The following NECTIN2 variants were observed in gnomAD, a reference collection of about 807,000 sequenced individuals.
NECTIN2 encodes nectin cell adhesion molecule 2.
In NECTIN2, 23 loss-of-function variants were observed where a neutral mutation model predicts 56.9. The ratio of observed to expected loss-of-function variants is 0.40; its 90% confidence interval spans 0.29 to 0.57. The LOEUF (loss-of-function observed/expected upper bound fraction) is 0.57, where lower values mean the gene tolerates loss of function less well. Among genes scored for constraint, NECTIN2 ranks in the 20% least tolerant of loss-of-function variants. NECTIN2 has a pLI of 0.38. For missense variants in NECTIN2, 587 were observed against 718.3 expected (o/e 0.82, Z 2.09); for synonymous variants, 302 against 313.8 (o/e 0.96, Z 0.40).
chr19:44,888,101 T>C lies in NECTIN2; in HGVS notation c.1348-9T>C. The C allele has an allele frequency of 1.2e-6, 2 of 1,609,450 alleles. No homozygotes were observed. Among genetic ancestry groups the C allele is most frequent in the Non-Finnish European group, 1.7e-6 (2 of 1,176,324 alleles). ...TGATCTTGAGTTCCTGTCCTCTCTC[T>C]ACCTCCAGGAAATGCCTCGATACCA... is the stretch of plus-strand genomic sequence containing the variant. On this transcript the variant is annotated splice_polypyrimidine_tract_variant and intron_variant, in intron 8 of 8. Transcript: ENST00000252483.
At position 44,874,492 on chromosome 19, in the gene NECTIN2, G is replaced by A. The variant is rs372053953; in HGVS notation, c.1042+14G>A. 2 of 1,611,818 alleles carry A rather than the reference G, an allele frequency of 1.2e-6. No individual in the cohort carries two copies. Among genetic ancestry groups the A allele is most frequent in the African/African-American group, 2.7e-5 (2 of 74,936 alleles). ...TCTTTGTCCGAGGTGAGTGGGTCTT[G>A]GGGGCCGTGTGTGGAGACCTGGGTC... is the stretch of plus-strand genomic sequence containing the variant. On this transcript the variant is annotated intron_variant, in intron 5 of 8. Transcript: ENST00000252483. The surrounding 1 kb of genome is among the most constrained non-coding windows in gnomAD (Gnocchi z 6.3).
intron 1 of NECTIN2, among the ~76,000 whole-genome samples, chr19:44,863,573 A>G (rs376938): frequency 0.33 from 50,310 of 151,852 alleles, 9,239 homozygotes; most frequent in Non-Finnish European, 0.39. Context: ...TAATTTTAAA[A>G]TTTTTATTTT....
At chr19:44,846,872 G>A (rs894892945) in intron 1 of NECTIN2, among the ~76,000 whole-genome samples, 2 of 151,412 alleles carry the variant, frequency 1.3e-5, no homozygotes, top group African/African-American at 4.9e-5. Flanking sequence ...ACGCCTGCTT[G>A]TCTGTCCCCC....
chr19:44,877,419 C>T (rs919066885), intron 5 of NECTIN2, among the ~76,000 whole-genome samples: 15 of 152,192 alleles, frequency 9.9e-5, no homozygotes, highest in East Asian at 3.8e-4. Flanking sequence ...CTCTCTCTCT[C>T]CGCCTCCCCA....
At chr19:44,847,563 G>C (rs1199559447) in intron 1 of NECTIN2, among the ~76,000 whole-genome samples, 2 of 152,188 alleles carry the variant, frequency 1.3e-5, no homozygotes, top group Non-Finnish European at 2.9e-5. Context: ...CGAAGGCTCT[G>C]TCTTGAGGCT....
At chr19:44,868,351 CA>C (rs569384558) in intron 2 of NECTIN2, among the ~76,000 whole-genome samples, 15,372 of 80,726 alleles carry the variant, frequency 0.19, 733 homozygotes, top group South Asian at 0.27. Context: ...GACCCTGTCT[CA>C]AAAAAAAAAA....
rs763355550 is a variant in NECTIN2, at chr19:44,886,237, G to A, written c.1347+18G>A. 9 of 1,597,558 alleles carry A rather than the reference G, an allele frequency of 5.6e-6. No individual in the cohort carries two copies. In the South Asian group the frequency reaches 8.8e-5, roughly 16 times the overall value. On this transcript the variant is annotated intron_variant, in intron 8 of 8. Coordinates refer to ENST00000252483, the MANE Select transcript of NECTIN2 (RefSeq NM_001042724.2). ...CTGAGCAGGTAGGAGCTCATGGGAA[G>A]ACAAAGGTGGGTTGGGGGTCTGGGT...
chr19:44,866,341 G>T (rs1969101724), intron 2 of NECTIN2, among the ~76,000 whole-genome samples: 1 of 151,618 alleles, frequency 6.6e-6, no homozygotes, highest in Admixed American at 6.6e-5. Context: ...GGAATTTGAG[G>T]CTGCGGTGAG....
chr19:44,846,874 C>T (rs1008140161), intron 1 of NECTIN2, among the ~76,000 whole-genome samples: 2 of 151,978 alleles, frequency 1.3e-5, no homozygotes, highest in Non-Finnish European at 2.9e-5. Context: ...GCCTGCTTGT[C>T]TGTCCCCCTC....
intron 1 of NECTIN2, among the ~76,000 whole-genome samples, chr19:44,848,650 G>A (rs981881369): frequency 1.3e-5 from 2 of 151,128 alleles, no homozygotes; most frequent in Non-Finnish European, 3.0e-5. Flanking sequence ...TGGCCGGCTG[G>A]CATGTGCTCG....
chr19:44,885,478 A>C (rs1177606317), intron 6 of NECTIN2, among the ~76,000 whole-genome samples: 1 of 151,048 alleles, frequency 6.6e-6, no homozygotes, highest in Non-Finnish European at 1.5e-5. Flanking sequence ...TGCCCAGCTA[A>C]TTTTTGTATT....
intron 1 of NECTIN2, among the ~76,000 whole-genome samples, chr19:44,864,896 G>A (rs1393653929): frequency 1.3e-5 from 2 of 152,034 alleles, no homozygotes; most frequent in East Asian, 3.9e-4. Context: ...GACAATGGGT[G>A]ACATATTTTG....
At chr19:44,877,557 C>T (rs1011763115) in intron 5 of NECTIN2, among the ~76,000 whole-genome samples, 4 of 152,226 alleles carry the variant, frequency 2.6e-5, no homozygotes, top group Admixed American at 6.5e-5. Flanking sequence ...GAGGCAGCCA[C>T]GGCACTTGGA....
At chr19:44,882,404 G>T in intron 6 of NECTIN2, 40 bp downstream of exon 6, 1 of 1,353,110 alleles carries the variant, frequency 7.4e-7, no homozygotes, top group Non-Finnish European at 9.6e-7. Flanking sequence ...GAGAGGGGTC[G>T]AAGAACTGAG....
chr19:44,853,412 G>C (rs1054283540), intron 1 of NECTIN2, among the ~76,000 whole-genome samples: 2 of 151,330 alleles, frequency 1.3e-5, no homozygotes, highest in Non-Finnish European at 2.9e-5. Flanking sequence ...AGCCAGGATG[G>C]TCTCAATCTC....
intron 5 of NECTIN2, among the ~76,000 whole-genome samples, chr19:44,880,416 G>C (rs923173816): frequency 1.3e-5 from 2 of 150,882 alleles, no homozygotes; most frequent in Non-Finnish European, 2.9e-5. Flanking sequence ...TGCTAGCAAG[G>C]AAGGAGAGGC....
rs781638330 is a variant in NECTIN2, at chr19:44,882,250, T to G, written c.1082T>G (p.Ile361Ser). The stretch of plus-strand genomic sequence containing the variant: ...GCAGGCGCAGGGGCCACAGGCGGCA[T>G]CATCGGGGGCATCATCGCCGCCATC... ...NTAGAGATGG[I>S]IGGIIAAIIA... Residue 361 changes from isoleucine (I) to serine (S), a missense_variant, in exon 6 of 9, where the codon ATC becomes AGC. Ile to Ser is a moderately radical substitution (Grantham distance 142). Coordinates refer to ENST00000252483, the MANE Select transcript of NECTIN2 (RefSeq NM_001042724.2). 6.5e-7 allele frequency: 1 copy of G among 1,545,894 alleles called. No individual in the cohort carries two copies. Among genetic ancestry groups the G allele is most frequent in the Non-Finnish European group, 8.7e-7 (1 of 1,143,928 alleles).
chr19:44,872,364 G>T (rs994403660), intron 3 of NECTIN2, among the ~76,000 whole-genome samples: 26 of 151,994 alleles, frequency 1.7e-4, no homozygotes, highest in African/African-American at 6.3e-4. Context: ...CCTGCATGCT[G>T]TGCCTAGTCT....
intron 1 of NECTIN2, among the ~76,000 whole-genome samples, chr19:44,857,563 G>A (rs1013297929): frequency 2.6e-5 from 4 of 152,044 alleles, no homozygotes; most frequent in East Asian, 1.9e-4. Context: ...CACCATGCCC[G>A]GGTAATGTTT....
Sources: gnomAD v4.1 joint callset for allele counts (sites outside exome capture counted in the v4.1 genomes callset) on GRCh38, gnomAD v4.1.1 for gene constraint, Gnocchi (gnomAD v3.1) non-coding constraint, MANE v1.5 for transcripts, NCBI Gene and HGNC (gene_info 2026-07-23, HGNC 2026-07-21) for gene names.